NINJ2: variants seen among roughly 807,000 people sequenced by gnomAD.
NINJ2 encodes ninjurin 2.
A neutral mutation model predicts 11.7 loss-of-function variants in NINJ2; 12 were observed. That is an observed-to-expected ratio of 1.02 (90% CI 0.66 to 1.66). The LOEUF (loss-of-function observed/expected upper bound fraction) is 1.66, where lower values mean the gene tolerates loss of function less well. Ranked by LOEUF, NINJ2 falls within the 40% of genes most tolerant of loss-of-function variation. NINJ2 has a pLI of 0.00. For missense variants in NINJ2, 187 were observed against 181.8 expected (o/e 1.03, Z -0.16); for synonymous variants, 93 against 76.8 (o/e 1.21, Z -1.10).
chr12:599,300 C>A (rs1206943160), intron 1 of NINJ2, among the ~76,000 whole-genome samples: 1 of 152,092 alleles, frequency 6.6e-6, no homozygotes, highest in African/African-American at 2.4e-5. Flanking sequence ...AGGAGAATTT[C>A]TTGAACGCGG....
chr12:590,109 C>T (rs980704048), intron 1 of NINJ2, among the ~76,000 whole-genome samples: 3 of 152,124 alleles, frequency 2.0e-5, no homozygotes, highest in African/African-American at 4.8e-5. Flanking sequence ...TTTTTATTTT[C>T]GTTATTTTCT....
rs116934718 is a variant in NINJ2, at chr12:646,757, A to G, written c.33+16571T>C. ...CTGAAAATGTGTATCCGGGCAGACA[A>G]TTGGTCTCTGGACTCCACACCCGAG... is the stretch of plus-strand genomic sequence containing the variant. On this transcript the variant is annotated intron_variant, in intron 1 of 3. Coordinates refer to ENST00000305108, the MANE Select transcript of NINJ2 (RefSeq NM_016533.6). Among the ~76,000 whole-genome samples the G allele has an allele frequency of 5.9e-3, 898 of 152,226 alleles. 3 individuals carry two copies. Among genetic ancestry groups the G allele is most frequent in the Middle Eastern group, 0.01 (3 of 294 alleles).
chr12:605,098 A>G (rs960726558), intron 1 of NINJ2, among the ~76,000 whole-genome samples: 1 of 152,196 alleles, frequency 6.6e-6, no homozygotes, highest in Non-Finnish European at 1.5e-5. Context: ...TCCCAGAGTG[A>G]GGCATGTGCC....
chr12:571,178 C>A (rs1050154977), intron 1 of NINJ2, among the ~76,000 whole-genome samples: 3 of 152,358 alleles, frequency 2.0e-5, no homozygotes, highest in Middle Eastern at 3.4e-3. Flanking sequence ...GGAAAGGCTG[C>A]CCATCAAAAT....
intron 1 of NINJ2, among the ~76,000 whole-genome samples, chr12:615,951 G>T (rs1007411158): frequency 6.6e-6 from 1 of 152,344 alleles, no homozygotes; most frequent in South Asian, 2.1e-4. Context: ...CTCTCGGAGA[G>T]CTAGAATATC....
intron 1 of NINJ2, among the ~76,000 whole-genome samples, chr12:579,289 C>T (rs1824756583): frequency 6.6e-6 from 1 of 151,166 alleles, no homozygotes; most frequent in Non-Finnish European, 1.5e-5. Context: ...CCCCACCCAG[C>T]CCTGCAGACA....
intron 1 of NINJ2, among the ~76,000 whole-genome samples, chr12:634,932 CAG>C (rs1948330327): frequency 6.6e-6 from 1 of 152,072 alleles, no homozygotes; most frequent in Non-Finnish European, 1.5e-5. Flanking sequence ...AAAATAGAGA[CAG>C]GAGCTGGTCA....
chr12:569,028 GCTCA>G (rs1947342033), intron 1 of NINJ2, among the ~76,000 whole-genome samples: 2 of 152,220 alleles, frequency 1.3e-5, no homozygotes, highest in African/African-American at 4.8e-5. Flanking sequence ...GGAATGGAGT[GCTCA>G]CTATCTCTCC....
intron 1 of NINJ2, among the ~76,000 whole-genome samples, chr12:622,765 C>T (rs1948168950): frequency 6.6e-6 from 1 of 152,106 alleles, no homozygotes; most frequent in Non-Finnish European, 1.5e-5. Context: ...AATGCAGTCA[C>T]ACACGGATAG....
chr12:651,792 C>T lies in NINJ2; in HGVS notation c.33+11536G>A, dbSNP rs1937790119. ...AAAAGAAACGCCAGAGGTCAAAACA[C>T]TGACAGAAATGAAGAATGCCATTGA... On this transcript the variant is annotated intron_variant, in intron 1 of 3. Coordinates refer to ENST00000305108, the MANE Select transcript of NINJ2 (RefSeq NM_016533.6). Among the ~76,000 whole-genome samples the T allele has an allele frequency of 3.3e-5, 5 of 152,194 alleles. No individual in the cohort carries two copies. The South Asian group carries it at 1.0e-3, about 31-fold the overall frequency.
At chr12:577,790 C>T (rs1947490068) in intron 1 of NINJ2, among the ~76,000 whole-genome samples, 1 of 151,982 alleles carries the variant, frequency 6.6e-6, no homozygotes, top group Non-Finnish European at 1.5e-5. Context: ...CTCCTGAGTT[C>T]AAGCGATTCT....
intron 1 of NINJ2, among the ~76,000 whole-genome samples, chr12:618,673 C>G (rs993662322): frequency 2.0e-5 from 3 of 152,230 alleles, no homozygotes; most frequent in African/African-American, 7.2e-5. Context: ...TCCAAGGAGA[C>G]TGCAGTTTTG....
chr12:646,727 T>A (rs1481488303), intron 1 of NINJ2, among the ~76,000 whole-genome samples: 2 of 151,934 alleles, frequency 1.3e-5, no homozygotes, highest in African/African-American at 4.8e-5. Flanking sequence ...GTGTACAGAT[T>A]AGGACTGAAA....
chr12:663,113 T>C (rs1018589004), intron 1 of NINJ2, among the ~76,000 whole-genome samples: 1 of 152,096 alleles, frequency 6.6e-6, no homozygotes, highest in African/African-American at 2.4e-5. Flanking sequence ...AACCAATCTG[T>C]TTTTCAGATA....
intron 1 of NINJ2, among the ~76,000 whole-genome samples, chr12:584,497 C>A (rs1392095132): frequency 6.6e-6 from 1 of 152,020 alleles, no homozygotes; most frequent in Non-Finnish European, 1.5e-5. Context: ...ATAGTGAAAC[C>A]CTATCTCTAC....
At chr12:603,990 G>A (rs117461373) in intron 1 of NINJ2, among the ~76,000 whole-genome samples, 7,174 of 152,214 alleles carry the variant, frequency 0.047, 252 homozygotes, top group Non-Finnish European at 0.074. Context: ...CCGCTGAGTC[G>A]TCATAGAATT....
At chr12:575,009 C>T (rs1199276175) in intron 1 of NINJ2, among the ~76,000 whole-genome samples, 2 of 152,182 alleles carry the variant, frequency 1.3e-5, no homozygotes, top group East Asian at 3.8e-4. Context: ...GGATTATACT[C>T]CCACGTGTGG....
At chr12:594,955 AAC>A (rs1947762195) in intron 1 of NINJ2, among the ~76,000 whole-genome samples, 1 of 152,248 alleles carries the variant, frequency 6.6e-6, no homozygotes, top group African/African-American at 2.4e-5. Flanking sequence ...TACAGTAATC[AAC>A]ACAGTGTGAT....
At chr12:622,122 GAAAAA>G (rs71045087) in intron 1 of NINJ2, among the ~76,000 whole-genome samples, 1 of 101,336 alleles carries the variant, frequency 9.9e-6, no homozygotes. Flanking sequence ...ACTGTGTCGG[GAAAAA>G]AAAAAAAAAA....
Sources: gnomAD v4.1 joint callset for allele counts (sites outside exome capture counted in the v4.1 genomes callset) on GRCh38, gnomAD v4.1.1 for gene constraint, MANE v1.5 for transcripts, NCBI Gene and HGNC (gene_info 2026-07-23, HGNC 2026-07-21) for gene names.